The following RALGAPA2 variants were observed in gnomAD, a reference collection of about 807,000 sequenced individuals.
RALGAPA2 encodes the protein Ral GTPase activating protein catalytic subunit alpha 2, also known as ral GTPase-activating protein subunit alpha-2.
Under a neutral mutation model 230.4 loss-of-function variants are expected in RALGAPA2, and 139 were observed. That is an observed-to-expected ratio of 0.60 (90% CI 0.53 to 0.69). The LOEUF (loss-of-function observed/expected upper bound fraction) is 0.69, where lower values mean the gene tolerates loss of function less well. Ranked by LOEUF, RALGAPA2 falls within the 30% of genes least tolerant of loss-of-function variation. The pLI is 0.00. For missense variants in RALGAPA2, 2,163 were observed against 2,276.0 expected, an observed-to-expected ratio of 0.95 and a Z score of 1.01; for synonymous variants, 847 against 837.8, an observed-to-expected ratio of 1.01 and a Z score of -0.19.
In RALGAPA2 at chr20:20,575,383, C is replaced by T. The variant is rs963104640; in HGVS notation, c.2708-2315G>A. On this transcript the variant is annotated intron_variant, in intron 20 of 39. Transcript: ENST00000202677. ...GTTTCACTGTGTTCCTGAAGAACCTCAGATATATGTATGTTGAGTTTGTTT... is the reference window on the plus strand; with the variant it reads ...GTTTCACTGTGTTCCTGAAGAACCTTAGATATATGTATGTTGAGTTTGTTT... Among the ~76,000 whole-genome samples, 11 of 151,768 alleles carry T rather than the reference C, an allele frequency of 7.2e-5. No individual in the cohort carries two copies. In the South Asian group the frequency reaches 1.0e-3, roughly 14 times the overall value.
chr20:20,415,768 G>T (rs1035399929), intron 37 of RALGAPA2, among the ~76,000 whole-genome samples: 1 of 152,188 alleles, frequency 6.6e-6, no homozygotes, highest in African/African-American at 2.4e-5. Context: ...CTTTACTAAA[G>T]AGGTTATACG....
intron 1 of RALGAPA2, among the ~76,000 whole-genome samples, chr20:20,685,233 C>T (rs1330920484): frequency 6.6e-6 from 1 of 152,058 alleles, no homozygotes; most frequent in African/African-American, 2.4e-5. Flanking sequence ...AAGTGCGGTG[C>T]TAAGCTTTAA....
chr20:20,574,031 C>T (rs185673450), intron 20 of RALGAPA2, among the ~76,000 whole-genome samples: 1 of 152,268 alleles, frequency 6.6e-6, no homozygotes, highest in East Asian at 1.9e-4. Flanking sequence ...AAACTGTTGT[C>T]CAAAGTGCTG....
In RALGAPA2 at chr20:20,571,897, G is replaced by C; in HGVS notation, c.2951C>G (p.Pro984Arg). 1 of 1,612,020 alleles carries C rather than the reference G, an allele frequency of 6.2e-7. No individual in the cohort carries two copies. The highest frequency in any genetic ancestry group is 8.5e-7 in the Non-Finnish European group (1 of 1,178,940). The stretch of plus-strand genomic sequence containing the variant: ...TCTGAGTGGTGGGATCAAAACTGGA[G>C]GAGATGGAGAAGACTGGTTATCCAG... ...ISLDNQSSPS[P>R]PVLIPPLRMF... The change falls in exon 22 of 40, where the codon CCT (proline) becomes CGT (arginine). Residue 984 changes from proline (P) to arginine (R), a missense_variant. Physicochemically the swap from Pro to Arg is moderately radical, Grantham distance 103. Coordinates refer to ENST00000202677, the MANE Select transcript of RALGAPA2 (RefSeq NM_020343.4).
rs1213719337 is a variant in RALGAPA2 at position 20,635,314 on chromosome 20, C to T, written c.1005+104G>A. ...AATAAAATCACTTACCTATAACCAA[C>T]AACTTGTAAGAACCAATAACTCTAA... On this transcript the variant is annotated intron_variant, in intron 9 of 39. Coordinates refer to ENST00000202677, the MANE Select transcript of RALGAPA2 (RefSeq NM_020343.4). The T allele has an allele frequency of 7.1e-6, 9 of 1,258,900 alleles. No individual in the cohort carries two copies. In the East Asian group the frequency reaches 2.2e-4, roughly 31 times the overall value. The allele number at this position is 1,258,900 out of a possible 1,614,324, so 78.0% of individuals were successfully genotyped here. A position where few individuals can be genotyped will look rare whatever the true frequency, so the allele number is the denominator to read the frequency against.
At chr20:20,682,828 G>C (rs1341632415) in intron 1 of RALGAPA2, among the ~76,000 whole-genome samples, 1 of 152,044 alleles carries the variant, frequency 6.6e-6, no homozygotes, top group Non-Finnish European at 1.5e-5. Context: ...AAACCTACAG[G>C]GAAGAAATAG....
chr20:20,623,461 T>C (rs931244494), intron 10 of RALGAPA2, among the ~76,000 whole-genome samples: 1 of 137,658 alleles, frequency 7.3e-6, no homozygotes, highest in African/African-American at 2.8e-5. Flanking sequence ...TTGCAACTAA[T>C]AATTTTGCCA....
intron 26 of RALGAPA2, among the ~76,000 whole-genome samples, chr20:20,534,238 A>AT (rs2063441351): frequency 6.6e-6 from 1 of 152,094 alleles, no homozygotes. Context: ...AAGTCAGGAG[A>AT]TTGAGACCAT....
chr20:20,571,338 T>C (rs2064626875), intron 23 of RALGAPA2, 120 bp downstream of exon 23: 1 of 1,150,178 alleles, frequency 8.7e-7, no homozygotes. Context: ...TGTAAAAGAG[T>C]TGAAACTACT....
At chr20:20,511,916 C>T (rs1471040823) in intron 32 of RALGAPA2, among the ~76,000 whole-genome samples, 2 of 152,186 alleles carry the variant, frequency 1.3e-5, no homozygotes, top group African/African-American at 2.4e-5. Flanking sequence ...CTCAGCCAGG[C>T]GCAGTTGCTC....
intron 3 of RALGAPA2, among the ~76,000 whole-genome samples, chr20:20,670,367 T>A (rs1325150840): frequency 3.3e-5 from 5 of 152,152 alleles, no homozygotes; most frequent in Non-Finnish European, 7.4e-5. Flanking sequence ...AAATCCCTAC[T>A]CTCCCATTTA....
At chr20:20,443,888 A>G (rs1402246346) in intron 37 of RALGAPA2, among the ~76,000 whole-genome samples, 2 of 152,262 alleles carry the variant, frequency 1.3e-5, no homozygotes, top group Non-Finnish European at 2.9e-5. Context: ...TCACAGCAGC[A>G]GCAATCCTTT....
At chr20:20,435,700 A>T (rs1158353501) in intron 37 of RALGAPA2, among the ~76,000 whole-genome samples, 1 of 152,210 alleles carries the variant, frequency 6.6e-6, no homozygotes, top group Non-Finnish European at 1.5e-5. Flanking sequence ...AGAAGGAGGC[A>T]GGCTGATGCT....
At chr20:20,574,532 G>A (rs971270823) in intron 20 of RALGAPA2, among the ~76,000 whole-genome samples, 4 of 152,112 alleles carry the variant, frequency 2.6e-5, no homozygotes, top group Non-Finnish European at 4.4e-5. Flanking sequence ...TACGTCTCCA[G>A]CTTCCTAAAA....
At chr20:20,541,251 T>C (rs569802014) in intron 24 of RALGAPA2, among the ~76,000 whole-genome samples, 1 of 152,236 alleles carries the variant, frequency 6.6e-6, no homozygotes, top group South Asian at 2.1e-4. Flanking sequence ...TTAAAGGGGA[T>C]ACATTCCAAG....
At chr20:20,555,225 C>G (rs377243208) in intron 23 of RALGAPA2, among the ~76,000 whole-genome samples, 7 of 152,222 alleles carry the variant, frequency 4.6e-5, no homozygotes, top group Non-Finnish European at 8.8e-5. Flanking sequence ...AAAACATCAG[C>G]TGACTATGGG....
intron 38 of RALGAPA2, among the ~76,000 whole-genome samples, chr20:20,402,284 T>C (rs1223015760): frequency 6.6e-6 from 1 of 152,190 alleles, no homozygotes; most frequent in Non-Finnish European, 1.5e-5. Context: ...TAAAGAATGG[T>C]GACAGTTCAC....
intron 36 of RALGAPA2, among the ~76,000 whole-genome samples, chr20:20,483,388 C>T (rs930798568): frequency 1.3e-5 from 2 of 152,190 alleles, no homozygotes; most frequent in African/African-American, 4.8e-5. Context: ...AAAGTTTCTA[C>T]ACACATGAGA....
chr20:20,637,487 C>T lies in RALGAPA2; in HGVS notation c.681G>A (p.Glu227=). The change falls in exon 8 of 40, where the codon GAG becomes GAA. Residue 227 remains glutamate, a synonymous_variant. Transcript: ENST00000202677. ...KYMVIQAASL[E]WKNKENQDTG... ...TATCTTGATTCTCCTTATTCTTCCA[C>T]TCCAAGCTCGCAGCCTTTGGATAAT... 1.3e-6 allele frequency: 2 copies of T among 1,566,356 alleles called. No homozygotes were observed. The highest frequency in any genetic ancestry group is 1.7e-6 in the Non-Finnish European group (2 of 1,154,318).
Sources: allele counts gnomAD v4.1 joint callset (sites outside exome capture counted in the v4.1 genomes callset), GRCh38; gene constraint gnomAD v4.1.1; transcripts MANE v1.5; gene names NCBI Gene and HGNC (gene_info 2026-07-23, HGNC 2026-07-21).